Variants in SEPTIN2 observed in about 807,000 individuals in gnomAD.
The protein encoded by SEPTIN2 is septin 2.
SEPTIN2 carries 34 observed loss-of-function variants against 46.5 expected under a neutral mutation model. That is an observed-to-expected ratio of 0.73 (90% CI 0.56 to 0.97). The LOEUF is 0.97. Ranked by LOEUF, SEPTIN2 falls within the 50% of genes least tolerant of loss-of-function variation. The probability of loss-of-function intolerance (pLI) is 0.00; values close to 1 mark genes in which losing one functional copy is unlikely to be tolerated. For missense variants in SEPTIN2, 347 were observed against 448.4 expected (o/e 0.77, Z 2.04); for synonymous variants, 175 against 153.4 (o/e 1.14, Z -1.04).
intron 2 of SEPTIN2, 45 bp from the exon 3 acceptor site, chr2:241,325,947 AC>A: frequency 6.5e-7 from 1 of 1,547,284 alleles, no homozygotes; most frequent in Non-Finnish European, 8.8e-7. Context: ...CTTAAAAGCA[AC>A]TACTAAGGTG....
chr2:241,321,074 A>T (rs1387632582), intron 1 of SEPTIN2, among the ~76,000 whole-genome samples: 1 of 152,144 alleles, frequency 6.6e-6, no homozygotes, highest in Non-Finnish European at 1.5e-5. Flanking sequence ...ATGTTTTTCA[A>T]ATTTTGTTTA....
At chr2:241,340,242 G>C (rs1355018543) in intron 7 of SEPTIN2, among the ~76,000 whole-genome samples, 1 of 152,184 alleles carries the variant, frequency 6.6e-6, no homozygotes, top group Non-Finnish European at 1.5e-5. Context: ...CTTGATTGCC[G>C]ATGTGAGTAT....
At chr2:241,319,464 A>G (rs936135114) in intron 1 of SEPTIN2, among the ~76,000 whole-genome samples, 3 of 152,284 alleles carry the variant, frequency 2.0e-5, no homozygotes, top group African/African-American at 7.2e-5. Flanking sequence ...TAAGTGCTTA[A>G]AAATAATTAT....
chr2:241,326,210 A>G (rs2077937769), intron 3 of SEPTIN2, 97 bp downstream of exon 3: 2 of 1,210,038 alleles, frequency 1.7e-6, no homozygotes, highest in African/African-American at 1.6e-5. Flanking sequence ...AAAGAGGAAA[A>G]TTTGGCAGAG....
intron 7 of SEPTIN2, 44 bp downstream of exon 7, chr2:241,337,834 G>A: frequency 7.4e-7 from 1 of 1,346,616 alleles, no homozygotes; most frequent in East Asian, 2.3e-5. Flanking sequence ...GTGCGACTCG[G>A]GGGCATGGGG....
chr2:241,332,052 T>C (rs2079085876), intron 3 of SEPTIN2, among the ~76,000 whole-genome samples: 1 of 152,242 alleles, frequency 6.6e-6, no homozygotes, highest in African/African-American at 2.4e-5. Flanking sequence ...TGCTTCACAC[T>C]GTATATCACA....
intron 3 of SEPTIN2, among the ~76,000 whole-genome samples, chr2:241,330,478 A>G (rs2078816291): frequency 6.6e-6 from 1 of 152,172 alleles, no homozygotes; most frequent in South Asian, 2.1e-4. Context: ...TAAAGTTGGA[A>G]AGTCATAACA....
At chr2:241,320,307 C>T (rs185858684) in intron 1 of SEPTIN2, 14 of 470,996 alleles carry the variant, frequency 3.0e-5, no homozygotes. Context: ...TAATCAGCTG[C>T]TTAGTGATAC....
intron 7 of SEPTIN2, among the ~76,000 whole-genome samples, chr2:241,339,541 A>G (rs776199490): frequency 6.6e-6 from 1 of 152,122 alleles, no homozygotes; most frequent in Non-Finnish European, 1.5e-5. Context: ...GCATCCTCAT[A>G]TATATACTGT....
At chr2:241,335,677 C>G (rs756934995) in intron 4 of SEPTIN2, 1 of 564,606 alleles carries the variant, frequency 1.8e-6, no homozygotes, top group Non-Finnish European at 3.1e-6. Context: ...GTAGCCCTTT[C>G]AGAATATTTT....
At chr2:241,347,082 TC>T (rs1406524271) in intron 10 of SEPTIN2, among the ~76,000 whole-genome samples, 4 of 152,266 alleles carry the variant, frequency 2.6e-5, no homozygotes, top group Admixed American at 2.0e-4. Context: ...TAGGGAGACC[TC>T]GCCTCTATAA....
rs183978298 is a variant in SEPTIN2 at position 241,338,854 on chromosome 2, A to G, written c.594+1064A>G. 3.2e-3 allele frequency among the ~76,000 whole-genome samples: 303 copies of G among 95,902 alleles called. 1 individual carries two copies. The highest frequency in any genetic ancestry group is 0.017 in the Middle Eastern group (4 of 230). 62.9% of individuals were successfully genotyped at this position (95,902 alleles called of 152,430 possible). ...AATATATATAATAAATATATAATAT[A>G]TATAAAAATATATATATTTAATATA... On this transcript the variant is annotated intron_variant, in intron 7 of 12. Transcript: ENST00000391971.
In SEPTIN2 at chr2:241,352,017, T is replaced by C. The variant is rs971779677; in HGVS notation, c.*80T>C. On this transcript the variant is annotated 3_prime_UTR_variant, in exon 13 of 13. Coordinates refer to ENST00000391971, the MANE Select transcript of SEPTIN2 (RefSeq NM_004404.5). ...AAACATTCCAGATGCATGATCCAGC[T>C]GTGTGTTTTCAATCCTTGGGAGGGT... The C allele has an allele frequency of 3.9e-5, 6 of 152,796 alleles. No homozygotes were observed. In the East Asian group the frequency reaches 5.8e-4, roughly 15 times the overall value. The allele number at this position is 152,796 out of a possible 1,614,324, so 9.5% of individuals were successfully genotyped here.
chr2:241,350,025 C>A, intron 11 of SEPTIN2, 48 bp from the exon 12 acceptor site: 1 of 1,571,772 alleles, frequency 6.4e-7, no homozygotes, highest in Non-Finnish European at 8.7e-7. Flanking sequence ...AAATAATGTT[C>A]AAAGACAGCA....
At chr2:241,345,756 T>C (rs1305191046) in intron 9 of SEPTIN2, among the ~76,000 whole-genome samples, 2 of 152,184 alleles carry the variant, frequency 1.3e-5, no homozygotes, top group African/African-American at 4.8e-5. Context: ...ATATAAATTT[T>C]GAGTTATAGG....
chr2:241,338,901 A>G (rs1247652741), intron 7 of SEPTIN2, among the ~76,000 whole-genome samples: 8 of 80,830 alleles, frequency 9.9e-5, no homozygotes, highest in African/African-American at 3.1e-4. Flanking sequence ...TATTATATAT[A>G]TTATATATAA....
At chr2:241,320,743 C>G (rs1478663862) in intron 1 of SEPTIN2, among the ~76,000 whole-genome samples, 2 of 152,076 alleles carry the variant, frequency 1.3e-5, no homozygotes, top group Non-Finnish European at 2.9e-5. Context: ...GAGCTGAGAT[C>G]GCGCCAGTGC....
At chr2:241,339,927 A>G (rs2081026781) in intron 7 of SEPTIN2, among the ~76,000 whole-genome samples, 1 of 152,134 alleles carries the variant, frequency 6.6e-6, no homozygotes, top group Non-Finnish European at 1.5e-5. Flanking sequence ...TGCTTTGTTC[A>G]CTTATGTATT....
At chr2:241,342,903 C>A in intron 7 of SEPTIN2, 89 bp from the exon 8 acceptor site, 1 of 686,044 alleles carries the variant, frequency 1.5e-6, no homozygotes, top group Non-Finnish European at 2.6e-6. Flanking sequence ...TGTATGATTT[C>A]CAATATATTT....
Sources: gnomAD v4.1 joint callset for allele counts (sites outside exome capture counted in the v4.1 genomes callset) on GRCh38, gnomAD v4.1.1 for gene constraint, MANE v1.5 for transcripts, NCBI Gene and HGNC (gene_info 2026-07-23, HGNC 2026-07-21) for gene names.